KMO: variants seen among roughly 807,000 people sequenced by gnomAD.
KMO encodes the protein kynurenine 3-monooxygenase, also known as kynurenine 3-hydroxylase.
KMO carries 24 observed loss-of-function variants against 57.8 expected under a neutral mutation model. The observed-to-expected ratio is 0.42, with a 90% CI of 0.30 to 0.58. The LOEUF is 0.58. Ranked by LOEUF, KMO falls within the 20% of genes least tolerant of loss-of-function variation. The pLI is 0.22. For synonymous variants in KMO, 210 were observed against 193.6 expected (o/e 1.08, Z -0.70); for missense variants, 483 against 588.2 (o/e 0.82, Z 1.85).
chr1:241,575,512 T>A (rs1199303657), intron 10 of KMO, among the ~76,000 whole-genome samples: 1 of 152,094 alleles, frequency 6.6e-6, no homozygotes, highest in Non-Finnish European at 1.5e-5. Context: ...CCATCTTGAT[T>A]TCATTGTTAA....
intron 5 of KMO, among the ~76,000 whole-genome samples, chr1:241,558,628 C>G (rs1051218229): frequency 5.9e-5 from 9 of 152,214 alleles, no homozygotes; most frequent in African/African-American, 2.2e-4. Flanking sequence ...TTGCATCAAA[C>G]AAGTTTTCAG....
At chr1:241,542,700 C>T (rs1051305147) in intron 1 of KMO, among the ~76,000 whole-genome samples, 5 of 152,326 alleles carry the variant, frequency 3.3e-5, no homozygotes, top group African/African-American at 1.2e-4. Context: ...TTCTTCTCTC[C>T]TGTGCTGTCC....
chr1:241,551,906 A>G (rs1052722377), intron 4 of KMO, among the ~76,000 whole-genome samples: 8 of 152,128 alleles, frequency 5.3e-5, no homozygotes, highest in Non-Finnish European at 1.0e-4. Context: ...CGGAGGTTCT[A>G]CGTTTCTAAC....
Position 241,568,596 on chromosome 1 carries a change from G to A in KMO, c.906G>A (p.Leu302=). The change falls in exon 10 of 15, where the codon CTG becomes CTA. Residue 302 remains leucine, a synonymous_variant. Transcript: ENST00000366559. Reference sequence around the variant, plus strand: ...ACTTTAAATCTCACTGTGTACTGCTGGGAGATGCAGCTCATGCTATAGTGC... The same window carrying A: ...ACTTTAAATCTCACTGTGTACTGCTAGGAGATGCAGCTCATGCTATAGTGC... ...SFHFKSHCVL[L]GDAAHAIVPF... 1 of 1,613,912 alleles carries A rather than the reference G, an allele frequency of 6.2e-7. No individual in the cohort carries two copies. Among genetic ancestry groups the A allele is most frequent in the Non-Finnish European group, 8.5e-7 (1 of 1,179,882 alleles).
intron 14 of KMO, 145 bp from the exon 15 acceptor site, chr1:241,591,808 T>C: frequency 1.5e-6 from 1 of 663,084 alleles, no homozygotes; most frequent in South Asian, 1.8e-5. Flanking sequence ...TATCAGTTCC[T>C]GATCTGGTGG....
chr1:241,562,102 G>A (rs985691618), intron 6 of KMO, 65 bp from the exon 7 acceptor site: 7 of 1,398,906 alleles, frequency 5.0e-6, no homozygotes, highest in Admixed American at 3.8e-5. Context: ...CTCATACCCA[G>A]AGGTACATCA....
chr1:241,580,321 C>T (rs1042326115), intron 10 of KMO, among the ~76,000 whole-genome samples: 13 of 152,126 alleles, frequency 8.5e-5, no homozygotes, highest in African/African-American at 3.1e-4. Flanking sequence ...GTGGGAGAGG[C>T]ATGCTAACAT....
rs12568853 is a variant in KMO at position 241,581,259 on chromosome 1, G to C, written c.958-5420G>C. The stretch of plus-strand genomic sequence containing the variant: ...TTTCTTGTAGGCAGCATATAGTTGA[G>C]TCTTATCTTTTTATACATCCAACTG... On this transcript the variant is annotated intron_variant, in intron 10 of 14. Transcript: ENST00000366559. Among the ~76,000 whole-genome samples, 1,394 of 152,084 alleles carry C rather than the reference G, an allele frequency of 9.2e-3. 17 individuals carry two copies. Among genetic ancestry groups the C allele is most frequent in the East Asian group, 0.057 (298 of 5,186 alleles).
intron 1 of KMO, among the ~76,000 whole-genome samples, chr1:241,548,285 T>G (rs1477444964): frequency 6.6e-6 from 1 of 152,062 alleles, no homozygotes; most frequent in Non-Finnish European, 1.5e-5. Flanking sequence ...CTTAAAAAAT[T>G]TTTAATGGGT....
At chr1:241,539,895 G>A (rs574398192) in intron 1 of KMO, among the ~76,000 whole-genome samples, 11 of 152,246 alleles carry the variant, frequency 7.2e-5, no homozygotes, top group African/African-American at 1.9e-4. Context: ...CAAAAGAAAC[G>A]TGTATGCGTC....
rs1663186091 is a variant in KMO at position 241,590,001 on chromosome 1, CATT to C, written c.1099-7_1099-5del. Reference sequence around the variant, plus strand: ...GTTCAAAAGCGTTCTTTAAGACTGTCATTATTGCAGATGCGAGCACATGTCAAC... The same window carrying C: ...GTTCAAAAGCGTTCTTTAAGACTGTCATTGCAGATGCGAGCACATGTCAAC... On this transcript the variant is annotated splice_polypyrimidine_tract_variant and splice_region_variant and intron_variant, in intron 12 of 14. Coordinates refer to ENST00000366559, the MANE Select transcript of KMO (RefSeq NM_003679.5). 1.2e-6 allele frequency: 2 copies of C among 1,603,960 alleles called. No individual in the cohort carries two copies. The highest frequency in any genetic ancestry group is 2.2e-5 in the East Asian group (1 of 44,794).
chr1:241,588,922 C>T lies in KMO; in HGVS notation c.1098+92C>T. The T allele has an allele frequency of 1.3e-5, 11 of 853,044 alleles. No individual in the cohort carries two copies. The South Asian group carries it at 1.6e-4, about 12-fold the overall frequency. The allele number at this position is 853,044 out of a possible 1,614,324, so 52.8% of individuals were successfully genotyped here. A position where few individuals can be genotyped will look rare whatever the true frequency, so the allele number is the denominator to read the frequency against. On this transcript the variant is annotated intron_variant, in intron 12 of 14. Transcript: ENST00000366559. ...TTTTTCTTTGCTTCAGCCCCCATCTCATGCATGCTATATAAGAATACCTAC... is the reference window on the plus strand; with the variant it reads ...TTTTTCTTTGCTTCAGCCCCCATCTTATGCATGCTATATAAGAATACCTAC...
chr1:241,586,388 T>C (rs1022785096), intron 10 of KMO, among the ~76,000 whole-genome samples: 10 of 151,850 alleles, frequency 6.6e-5, no homozygotes, highest in Admixed American at 5.2e-4. Context: ...TTAGTAGATA[T>C]GGGGTCTCAT....
intron 5 of KMO, among the ~76,000 whole-genome samples, chr1:241,559,647 A>C (rs776030205): frequency 6.6e-6 from 1 of 152,132 alleles, no homozygotes; most frequent in African/African-American, 2.4e-5. Context: ...AAAAAAGAGT[A>C]AAATAAGACA....
intron 7 of KMO, among the ~76,000 whole-genome samples, chr1:241,562,871 G>A (rs564451300): frequency 5.5e-4 from 10 of 18,228 alleles, no homozygotes; most frequent in African/African-American, 1.6e-3. Context: ...AAGAAGGAAG[G>A]AAGGAAGGAA....
At chr1:241,566,762 A>G (rs1662095350) in intron 9 of KMO, 150 bp downstream of exon 9, 1 of 808,058 alleles carries the variant, frequency 1.2e-6, no homozygotes, top group African/African-American at 1.8e-5. Context: ...GTCTAAGTGG[A>G]TATTGTGCTG....
chr1:241,578,112 T>C (rs1662600787), intron 10 of KMO, among the ~76,000 whole-genome samples: 1 of 152,170 alleles, frequency 6.6e-6, no homozygotes, highest in African/African-American at 2.4e-5. Context: ...GCAGTCACCC[T>C]GAAGTGTTCC....
chr1:241,576,533 T>C (rs567938091), intron 10 of KMO, among the ~76,000 whole-genome samples: 70 of 152,258 alleles, frequency 4.6e-4, no homozygotes, highest in African/African-American at 1.5e-3. Flanking sequence ...TTTTGCTGGA[T>C]ATAAAATTCT....
chr1:241,568,197 C>T (rs543434641), intron 9 of KMO, among the ~76,000 whole-genome samples: 103 of 152,266 alleles, frequency 6.8e-4, no homozygotes, highest in Admixed American at 1.3e-3. Context: ...ATTTGAAAAT[C>T]TCATGGCCCA....
Sources: gnomAD v4.1 joint callset for allele counts (sites outside exome capture counted in the v4.1 genomes callset) on GRCh38, gnomAD v4.1.1 for gene constraint, MANE v1.5 for transcripts, NCBI Gene and HGNC (gene_info 2026-07-23, HGNC 2026-07-21) for gene names.